The following ZNF385D variants were observed in gnomAD, a reference collection of about 807,000 sequenced individuals.
ZNF385D encodes the protein zinc finger protein 385D, also known as zinc finger protein 659.
In ZNF385D, 15 loss-of-function variants were observed where a neutral mutation model predicts 35.8. That is an observed-to-expected ratio of 0.42 (90% CI 0.28 to 0.64). The LOEUF is 0.64. ZNF385D is among the 30% of genes least tolerant of loss of function. The pLI is 0.23. For missense variants in ZNF385D, 474 were observed against 494.6 expected, an observed-to-expected ratio of 0.96 and a Z score of 0.39; for synonymous variants, 212 against 186.8, an observed-to-expected ratio of 1.13 and a Z score of -1.10.
intron 3 of ZNF385D, among the ~76,000 whole-genome samples, chr3:21,979,337 A>AT (rs1161447370): frequency 2.0e-5 from 3 of 152,192 alleles, no homozygotes; most frequent in African/African-American, 7.2e-5. Context: ...ACCATATACT[A>AT]TTTTTTCATT....
At chr3:22,369,898 G>C (rs539535239) in intron 2 of ZNF385D, among the ~76,000 whole-genome samples, 1 of 152,028 alleles carries the variant, frequency 6.6e-6, no homozygotes, top group African/African-American at 2.4e-5. Flanking sequence ...GAAAATAATG[G>C]ATACTGTATA....
At chr3:21,464,704 A>C (rs1182345055) in intron 4 of ZNF385D, among the ~76,000 whole-genome samples, 2 of 141,530 alleles carry the variant, frequency 1.4e-5, no homozygotes, top group African/African-American at 5.2e-5. Flanking sequence ...AAAAACATAT[A>C]CATACTCAAT....
At chr3:21,598,237 T>A (rs1304358321) in intron 2 of ZNF385D, among the ~76,000 whole-genome samples, 1 of 152,182 alleles carries the variant, frequency 6.6e-6, no homozygotes, top group Non-Finnish European at 1.5e-5. Context: ...TGGGTAAAAT[T>A]ATACACATAT....
At position 21,886,884 on chromosome 3, in the gene ZNF385D, C is replaced by G. The variant is rs200834640; in HGVS notation, c.326-221856G>C. Among the ~76,000 whole-genome samples the G allele has an allele frequency of 2.6e-4, 39 of 152,236 alleles. No individual in the cohort carries two copies. In the East Asian group the frequency reaches 7.5e-3, roughly 29 times the overall value. On this transcript the variant is annotated intron_variant, in intron 3 of 5. Transcript: ENST00000494108. ...GGTGTGATTGGATCAGCAGTGCCCC[C>G]GTGGGTCCCCTCCCATTACATACTT...
intron 3 of ZNF385D, among the ~76,000 whole-genome samples, chr3:22,142,867 C>A (rs1265654360): frequency 6.6e-6 from 1 of 152,074 alleles, no homozygotes; most frequent in African/African-American, 2.4e-5. Flanking sequence ...CCAAAAAGTT[C>A]TCTCCTCTTA....
chr3:22,360,970 C>A (rs1254371959), intron 2 of ZNF385D, among the ~76,000 whole-genome samples: 1 of 151,974 alleles, frequency 6.6e-6, no homozygotes, highest in South Asian at 2.1e-4. Context: ...TATTATTACC[C>A]AAACCTTTTG....
At chr3:22,024,344 T>C (rs963509687) in intron 3 of ZNF385D, among the ~76,000 whole-genome samples, 2 of 152,154 alleles carry the variant, frequency 1.3e-5, no homozygotes, top group African/African-American at 4.8e-5. Context: ...ATAGGATACC[T>C]ATATATCCTA....
chr3:22,261,411 A>G (rs886484627), intron 2 of ZNF385D, among the ~76,000 whole-genome samples: 1 of 152,056 alleles, frequency 6.6e-6, no homozygotes, highest in African/African-American at 2.4e-5. Flanking sequence ...TGGTAAGGCT[A>G]GTAAATAATC....
chr3:22,365,469 G>A (rs1335628808), intron 2 of ZNF385D, among the ~76,000 whole-genome samples: 3 of 151,998 alleles, frequency 2.0e-5, no homozygotes, highest in Non-Finnish European at 4.4e-5. Flanking sequence ...GTCAGTCGAC[G>A]AGATGTTTAT....
intron 3 of ZNF385D, among the ~76,000 whole-genome samples, chr3:21,834,632 A>G (rs1227128582): frequency 6.6e-6 from 1 of 152,150 alleles, no homozygotes; most frequent in Non-Finnish European, 1.5e-5. Context: ...TTAAAAGGAC[A>G]ATTTGTATTC....
chr3:21,489,880 G>T (rs1165562473), intron 4 of ZNF385D, among the ~76,000 whole-genome samples: 1 of 152,036 alleles, frequency 6.6e-6, no homozygotes, highest in Admixed American at 6.6e-5. Flanking sequence ...TGGTTATGGA[G>T]ACCTCTTTCT....
At chr3:21,944,205 A>T (rs1050544671) in intron 3 of ZNF385D, among the ~76,000 whole-genome samples, 39 of 152,348 alleles carry the variant, frequency 2.6e-4, no homozygotes, top group African/African-American at 8.7e-4. Flanking sequence ...TAATGAAAAG[A>T]GAGCAGGCTG....
At chr3:22,271,308 T>G (rs1456787838) in intron 2 of ZNF385D, among the ~76,000 whole-genome samples, 1 of 152,006 alleles carries the variant, frequency 6.6e-6, no homozygotes, top group African/African-American at 2.4e-5. Flanking sequence ...AAAAAGATGT[T>G]GGAGAAGACT....
chr3:21,986,129 C>T (rs1451808495), intron 3 of ZNF385D, among the ~76,000 whole-genome samples: 1 of 85,838 alleles, frequency 1.2e-5, no homozygotes, highest in Non-Finnish European at 2.1e-5. Flanking sequence ...CTCCTGGATT[C>T]ATTGATTTTT....
At chr3:21,529,359 C>T (rs1223745962) in intron 3 of ZNF385D, among the ~76,000 whole-genome samples, 1 of 152,148 alleles carries the variant, frequency 6.6e-6, no homozygotes, top group Admixed American at 6.5e-5. Context: ...TTGATGAAAA[C>T]TCTCCAAGAT....
chr3:21,752,986 G>A (rs1045417482), upstream of ZNF385D, among the ~76,000 whole-genome samples: 1 of 151,982 alleles, frequency 6.6e-6, no homozygotes, highest in East Asian at 1.9e-4. Flanking sequence ...TAGTGCTTTG[G>A]GTCCATTTGA....
At chr3:22,177,802 C>G (rs1368445590) in intron 2 of ZNF385D, among the ~76,000 whole-genome samples, 1 of 152,152 alleles carries the variant, frequency 6.6e-6, no homozygotes, top group African/African-American at 2.4e-5. Context: ...TCTCACTGTT[C>G]AATTCCCACC....
intron 2 of ZNF385D, among the ~76,000 whole-genome samples, chr3:22,334,855 A>G (rs577177547): frequency 3.3e-5 from 5 of 151,992 alleles, no homozygotes; most frequent in Non-Finnish European, 5.9e-5. Flanking sequence ...TCAGAAATAA[A>G]TGGAACTAAT....
intron 3 of ZNF385D, chr3:21,978,440 G>A (rs913819590): frequency 2.6e-5 from 4 of 152,194 alleles, no homozygotes; most frequent in African/African-American, 4.8e-5. Flanking sequence ...TAAAGGGGGA[G>A]AAACATAACC....
Sources: allele counts gnomAD v4.1 joint callset (sites outside exome capture counted in the v4.1 genomes callset), GRCh38; gene constraint gnomAD v4.1.1; transcripts MANE v1.5; gene names NCBI Gene and HGNC (gene_info 2026-07-23, HGNC 2026-07-21).